The following APBB1IP variants were observed in gnomAD, a reference collection of about 807,000 sequenced individuals.
APBB1IP encodes amyloid beta A4 precursor protein-binding family B member 1-interacting protein.
APBB1IP carries 27 observed loss-of-function variants against 64.9 expected under a neutral mutation model. The observed-to-expected ratio is 0.42, with a 90% CI of 0.31 to 0.57. The LOEUF (loss-of-function observed/expected upper bound fraction) is 0.57, where lower values mean the gene tolerates loss of function less well. APBB1IP is among the 20% of genes least tolerant of loss of function. APBB1IP has a pLI of 0.20. For synonymous variants in APBB1IP, 392 were observed against 331.0 expected (o/e 1.18, Z -2.00); for missense variants, 812 against 845.5 (o/e 0.96, Z 0.49).
intron 6 of APBB1IP, among the ~76,000 whole-genome samples, chr10:26,509,857 C>T (rs1836230405): frequency 6.6e-6 from 1 of 152,186 alleles, no homozygotes; most frequent in African/African-American, 2.4e-5. Flanking sequence ...GCTACAAATA[C>T]ACAGGTATCA....
At chr10:26,450,941 C>T (rs987271445) in intron 2 of APBB1IP, among the ~76,000 whole-genome samples, 28 of 151,962 alleles carry the variant, frequency 1.8e-4, no homozygotes, top group African/African-American at 6.3e-4. Flanking sequence ...GGAGATCCAC[C>T]CGCCTCGTCC....
intron 2 of APBB1IP, among the ~76,000 whole-genome samples, chr10:26,484,093 T>C (rs1835865413): frequency 6.6e-6 from 1 of 152,210 alleles, no homozygotes; most frequent in African/African-American, 2.4e-5. Context: ...AATATCTTAA[T>C]ACGGTGCTAT....
At chr10:26,514,803 A>C (rs1450422743) in intron 8 of APBB1IP, among the ~76,000 whole-genome samples, 1 of 152,166 alleles carries the variant, frequency 6.6e-6, no homozygotes, top group Non-Finnish European at 1.5e-5. Flanking sequence ...ACAACACAAC[A>C]ATTAAATAGT....
At chr10:26,524,291 C>T (rs1246767720) in intron 8 of APBB1IP, among the ~76,000 whole-genome samples, 6 of 152,056 alleles carry the variant, frequency 3.9e-5, no homozygotes, top group Non-Finnish European at 7.4e-5. Context: ...AAGAGTGTCA[C>T]ACAGAGACAC....
At chr10:26,510,660 C>A in intron 6 of APBB1IP, among the ~76,000 whole-genome samples, 1 of 151,378 alleles carries the variant, frequency 6.6e-6, no homozygotes, top group East Asian at 2.0e-4. Flanking sequence ...CAGTTGAGCC[C>A]AGGAGGTTCA....
intron 2 of APBB1IP, among the ~76,000 whole-genome samples, chr10:26,489,444 T>A (rs1182186587): frequency 6.6e-6 from 1 of 152,198 alleles, no homozygotes; most frequent in Non-Finnish European, 1.5e-5. Context: ...TATGTCAGAT[T>A]TCCTAAATGA....
chr10:26,475,124 C>CTTT (rs757288624), intron 2 of APBB1IP, among the ~76,000 whole-genome samples: 4 of 138,168 alleles, frequency 2.9e-5, no homozygotes, highest in Non-Finnish European at 3.2e-5. Flanking sequence ...TTTTTCTTTT[C>CTTT]TTTTTTTTTT....
At chr10:26,444,156 G>C (rs77192121) in intron 2 of APBB1IP, among the ~76,000 whole-genome samples, 1 of 152,288 alleles carries the variant, frequency 6.6e-6, no homozygotes, top group Non-Finnish European at 1.5e-5. Flanking sequence ...GAACAGTCGA[G>C]GCTGTAGGGC....
intron 8 of APBB1IP, among the ~76,000 whole-genome samples, chr10:26,524,034 C>T (rs945708581): frequency 2.0e-5 from 3 of 152,050 alleles, no homozygotes; most frequent in Admixed American, 6.6e-5. Flanking sequence ...ACTATGGCAC[C>T]GTGGCATGCT....
intron 2 of APBB1IP, among the ~76,000 whole-genome samples, chr10:26,476,446 C>CAAAAA (rs58548133): frequency 0.055 from 4,288 of 77,610 alleles, 243 homozygotes; most frequent in East Asian, 0.13. Flanking sequence ...GACCCTGTCT[C>CAAAAA]AAAAAAAAAA....
intron 11 of APBB1IP, among the ~76,000 whole-genome samples, chr10:26,556,256 C>G (rs1279252659): frequency 2.0e-5 from 3 of 152,218 alleles, no homozygotes; most frequent in African/African-American, 7.2e-5. Flanking sequence ...CTCGGTTAGG[C>G]AATAAGCTCC....
At chr10:26,497,133 T>C (rs1836035375) in intron 4 of APBB1IP, among the ~76,000 whole-genome samples, 1 of 152,184 alleles carries the variant, frequency 6.6e-6, no homozygotes, top group Non-Finnish European at 1.5e-5. Flanking sequence ...GCTGTGTTTC[T>C]GCCACTGCAC....
At chr10:26,503,524 A>T (rs1389788841) in intron 6 of APBB1IP, among the ~76,000 whole-genome samples, 1 of 152,026 alleles carries the variant, frequency 6.6e-6, no homozygotes, top group Non-Finnish European at 1.5e-5. Context: ...AGTCCCAGCT[A>T]CTCGGGAGGC....
chr10:26,501,933 A>G (rs1203040219), intron 5 of APBB1IP: 1 of 152,228 alleles, frequency 6.6e-6, no homozygotes, highest in African/African-American at 2.4e-5. Context: ...ATTATACTCT[A>G]TCACACACAG....
chr10:26,469,363 A>T (rs1300351590), intron 2 of APBB1IP, among the ~76,000 whole-genome samples: 2 of 143,124 alleles, frequency 1.4e-5, no homozygotes, highest in African/African-American at 5.3e-5. Flanking sequence ...AGCTCAAGCC[A>T]TTCTCCCAAC....
At chr10:26,553,671 A>G (rs7081291) in intron 11 of APBB1IP, among the ~76,000 whole-genome samples, 33,809 of 152,076 alleles carry the variant, frequency 0.22, 4,410 homozygotes, top group Non-Finnish European at 0.28. Context: ...GAATGTATAC[A>G]TATATCTTTT....
At position 26,567,606 on chromosome 10, in the gene APBB1IP, C is replaced by G; in HGVS notation, c.*118C>G. 1 of 1,442,744 alleles carries G rather than the reference C, an allele frequency of 6.9e-7. No homozygotes were observed. The highest frequency in any genetic ancestry group is 1.9e-4 in the Middle Eastern group (1 of 5,386). The allele number at this position is 1,442,744 out of a possible 1,614,324, so 89.4% of individuals were successfully genotyped here. The stretch of plus-strand genomic sequence containing the variant: ...AGATAAAATGTGATGGGAAACTTCT[C>G]ACTGATGTGCTCAAGTACAGGCATA... On this transcript the variant is annotated 3_prime_UTR_variant, in exon 15 of 15. Coordinates refer to ENST00000376236, the MANE Select transcript of APBB1IP (RefSeq NM_019043.4).
At chr10:26,507,205 A>G (rs1360893256) in intron 6 of APBB1IP, among the ~76,000 whole-genome samples, 1 of 152,142 alleles carries the variant, frequency 6.6e-6, no homozygotes, top group Non-Finnish European at 1.5e-5. Context: ...TTTAAAGGTC[A>G]TAAAGGGCCA....
At chr10:26,476,967 AT>A (rs1359001739) in intron 2 of APBB1IP, among the ~76,000 whole-genome samples, 1 of 151,918 alleles carries the variant, frequency 6.6e-6, no homozygotes, top group Non-Finnish European at 1.5e-5. Context: ...TGCCTGGCTA[AT>A]TTTTGTATTT....
Sources: gnomAD v4.1 joint callset for allele counts (sites outside exome capture counted in the v4.1 genomes callset) on GRCh38, gnomAD v4.1.1 for gene constraint, MANE v1.5 for transcripts, NCBI Gene and HGNC (gene_info 2026-07-23, HGNC 2026-07-21) for gene names.